ZNF251: variants seen among roughly 807,000 people sequenced by gnomAD.
ZNF251 encodes the protein zinc finger protein 251.
A neutral mutation model predicts 13.5 loss-of-function variants in ZNF251; 14 were observed. That is an observed-to-expected ratio of 1.04 (90% CI 0.69 to 1.63). ZNF251 has a LOEUF of 1.63. Among genes scored for constraint, ZNF251 ranks in the 40% most tolerant of loss-of-function variants. ZNF251 has a pLI of 0.00. For missense variants in ZNF251, 764 were observed against 834.9 expected (o/e 0.92, Z 1.05); for synonymous variants, 287 against 295.2 (o/e 0.97, Z 0.28).
At chr8:144,748,529 T>G (rs943051939) in intron 4 of ZNF251, among the ~76,000 whole-genome samples, 2 of 152,136 alleles carry the variant, frequency 1.3e-5, no homozygotes, top group Non-Finnish European at 2.9e-5. Flanking sequence ...TTTCTTTTTT[T>G]TTGTTCATGG....
chr8:144,729,335 AT>A (rs142840972), intron 4 of ZNF251, among the ~76,000 whole-genome samples: 45 of 141,272 alleles, frequency 3.2e-4, no homozygotes, highest in South Asian at 4.4e-4. Flanking sequence ...ATTTATTTTT[AT>A]TTTTTTTTTT....
chr8:144,729,304 C>CAT (rs1441819339), intron 4 of ZNF251, among the ~76,000 whole-genome samples: 1 of 151,148 alleles, frequency 6.6e-6, no homozygotes, highest in African/African-American at 2.4e-5. Context: ...TTTTAGCAAG[C>CAT]ATATAAGATT....
chr8:144,742,928 A>G (rs1051925581), intron 4 of ZNF251, among the ~76,000 whole-genome samples: 34 of 152,168 alleles, frequency 2.2e-4, no homozygotes, highest in African/African-American at 8.2e-4. Flanking sequence ...AAATCCACAT[A>G]TAAGTGGACC....
In ZNF251 at chr8:144,755,425, A is replaced by G. The variant is rs972045914; in HGVS notation, c.-96T>C. The G allele has an allele frequency of 7.8e-7, 1 of 1,288,172 alleles. No individual in the cohort carries two copies. Among genetic ancestry groups the G allele is most frequent in the Admixed American group, 2.3e-5 (1 of 43,566 alleles). 79.8% of individuals were successfully genotyped at this position (1,288,172 alleles called of 1,614,324 possible). On this transcript the variant is annotated 5_prime_UTR_variant, in exon 1 of 5. Coordinates refer to ENST00000292562, the MANE Select transcript of ZNF251 (RefSeq NM_138367.2). ...CCCACCTGTTTGCTCGACCCGGGGAAGCCACCGAGGAAGCGCCGAGGAGCT... is the reference window on the plus strand; with the variant it reads ...CCCACCTGTTTGCTCGACCCGGGGAGGCCACCGAGGAAGCGCCGAGGAGCT...
intron 3 of ZNF251, 141 bp downstream of exon 3, chr8:144,754,051 A>G: frequency 7.8e-7 from 1 of 1,277,424 alleles, no homozygotes; most frequent in Non-Finnish European, 1.1e-6. Context: ...TCCCATGGGA[A>G]ATGTTCCTTC....
At position 144,721,795 on chromosome 8, in the gene ZNF251, C is replaced by G. The variant is rs745404494; in HGVS notation, c.1865G>C (p.Cys622Ser). Residue 622 changes from cysteine to serine, a missense_variant, in exon 5 of 5, where the codon TGT (cysteine) becomes TCT (serine). Physicochemically the swap from Cys to Ser is moderately radical, Grantham distance 112. Transcript: ENST00000292562. Reference sequence around the variant, plus strand: ...GGCTTTCCCATACACACTGCAATGACATGGTTTCTGACCAGTGTGAGTTAC... The same window carrying G: ...GGCTTTCCCATACACACTGCAATGAGATGGTTTCTGACCAGTGTGAGTTAC... ...HQVTHTGQKP[C>S]HCSVYGKAFS... 3 of 1,475,952 alleles carry G rather than the reference C, an allele frequency of 2.0e-6. No homozygotes were observed. The highest frequency in any genetic ancestry group is 2.7e-6 in the Non-Finnish European group (3 of 1,112,508). 91.4% of individuals were successfully genotyped at this position (1,475,952 alleles called of 1,614,324 possible).
chr8:144,731,342 G>A (rs908316697), intron 4 of ZNF251, among the ~76,000 whole-genome samples: 1 of 152,112 alleles, frequency 6.6e-6, no homozygotes, highest in South Asian at 2.1e-4. Context: ...TTCCTCAATG[G>A]TATACTGTGT....
In ZNF251 at chr8:144,721,950, T is replaced by C. The variant is rs748782910; in HGVS notation, c.1710A>G (p.Glu570=). 1 of 1,520,152 alleles carries C rather than the reference T, an allele frequency of 6.6e-7. No individual in the cohort carries two copies. Among genetic ancestry groups the C allele is most frequent in the Admixed American group, 2.2e-5 (1 of 45,702 alleles). The allele number at this position is 1,520,152 out of a possible 1,614,324, so 94.2% of individuals were successfully genotyped here. ...HTGEKSFGCN[E]YGKAFSPTSR... The stretch of plus-strand genomic sequence containing the variant: ...AGGTGGGACTGAAAGCTTTTCCATA[T>C]TCATTACATCCAAAGGATTTCTCAC... Residue 570 remains glutamate (E), a synonymous_variant, in exon 5 of 5, where the codon GAA becomes GAG. Coordinates refer to ENST00000292562, the MANE Select transcript of ZNF251 (RefSeq NM_138367.2).
intron 4 of ZNF251, among the ~76,000 whole-genome samples, chr8:144,744,009 C>CTTT (rs1168495446): frequency 4.1e-4 from 36 of 88,820 alleles, no homozygotes; most frequent in Non-Finnish European, 5.7e-4. Context: ...CTCTCGTTGT[C>CTTT]TTTTTTTTTT....
Position 144,728,955 on chromosome 8 carries a change from GCGCGCGC to G in ZNF251, c.278-5580_278-5574del, listed in dbSNP as rs1286728871. ...AATACAAAATTAGCCAGGCATGGTG[GCGCGCGC>G]CTGTAATCCCAGCTACTTGGGAGGC... On this transcript the variant is annotated intron_variant, in intron 4 of 4. Coordinates refer to ENST00000292562, the MANE Select transcript of ZNF251 (RefSeq NM_138367.2). 3.6e-4 allele frequency among the ~76,000 whole-genome samples: 55 copies of G among 151,838 alleles called. 1 individual carries two copies. Among genetic ancestry groups the G allele is most frequent in the Non-Finnish European group, 1.2e-4 (8 of 67,992 alleles).
intron 4 of ZNF251, among the ~76,000 whole-genome samples, chr8:144,749,879 TTTTTC>T (rs1256310293): frequency 6.2e-4 from 82 of 131,982 alleles, no homozygotes; most frequent in African/African-American, 2.5e-3. Flanking sequence ...TCTTTTCTTT[TTTTTC>T]TTTTTTTTTT....
At chr8:144,752,342 A>G (rs1028061844) in intron 4 of ZNF251, among the ~76,000 whole-genome samples, 2 of 152,192 alleles carry the variant, frequency 1.3e-5, no homozygotes, top group Admixed American at 1.3e-4. Flanking sequence ...AATAATACAG[A>G]GTATGTTCTC....
intron 4 of ZNF251, among the ~76,000 whole-genome samples, chr8:144,744,127 C>T (rs1041229425): frequency 6.6e-6 from 1 of 151,292 alleles, no homozygotes; most frequent in African/African-American, 2.4e-5. Flanking sequence ...GATTCTCCTG[C>T]CTCAGCCTCT....
At position 144,722,073 on chromosome 8, in the gene ZNF251, G is replaced by A. The variant is rs546578961; in HGVS notation, c.1587C>T (p.Ser529=). 1.2e-6 allele frequency: 2 copies of A among 1,613,960 alleles called. No individual in the cohort carries two copies. The highest frequency in any genetic ancestry group is 1.7e-5 in the Admixed American group (1 of 60,008). Residue 529 remains serine, a synonymous_variant, in exon 5 of 5, where the codon TCC becomes TCT. Coordinates refer to ENST00000292562, the MANE Select transcript of ZNF251 (RefSeq NM_138367.2). The surrounding 1 kb of genome is among the most constrained non-coding windows in gnomAD (Gnocchi z 4.8). ...RKHGPAFVHG[S]SLTADGQIPT... is the part of the protein sequence containing the mutation. ...GAATCTGTCCATCTGCTGTGAGGCT[G>A]GAGCCATGAACAAAGGCTGGACCAT... is the stretch of plus-strand genomic sequence containing the variant.
At chr8:144,742,179 T>A in intron 4 of ZNF251, among the ~76,000 whole-genome samples, 1 of 148,046 alleles carries the variant, frequency 6.8e-6, no homozygotes, top group African/African-American at 2.5e-5. Flanking sequence ...CAGAAAAGAG[T>A]AAAATAGCAG....
chr8:144,738,422 G>A (rs752236346), intron 4 of ZNF251: 9 of 340,090 alleles, frequency 2.6e-5, no homozygotes, highest in Non-Finnish European at 3.8e-5. Flanking sequence ...CACAGCTCAG[G>A]ACACCTCCCA....
rs747087407 is a variant in ZNF251 at position 144,754,201 on chromosome 8, C to A, written c.154G>T (p.Ala52Ser). Reference protein sequence around the residue: ...DVMLENYGNVASLGFPVPKPE... With the variant: ...DVMLENYGNVSSLGFPVPKPE... ...GTGCAGAGAGCCTCACCCAGAGAGG[C>A]CACGTTCCCATAGTTCTCCAGCATC... The change falls in exon 3 of 5, where the codon GCC becomes TCC. Residue 52 changes from alanine to serine, a missense_variant. Ala to Ser is a moderately conservative substitution (Grantham distance 99, BLOSUM62 1). Transcript: ENST00000292562. 13 of 1,613,442 alleles carry A rather than the reference C, an allele frequency of 8.1e-6. No individual in the cohort carries two copies. Among genetic ancestry groups the A allele is most frequent in the African/African-American group, 5.3e-5 (4 of 74,934 alleles).
intron 4 of ZNF251, among the ~76,000 whole-genome samples, chr8:144,736,681 G>C (rs1175637895): frequency 1.3e-5 from 2 of 151,438 alleles, no homozygotes; most frequent in Non-Finnish European, 2.9e-5. Flanking sequence ...TAGTAGAGTT[G>C]GGGTTTCTCC....
intron 4 of ZNF251, among the ~76,000 whole-genome samples, chr8:144,739,517 A>G (rs963685808): frequency 2.6e-5 from 4 of 152,264 alleles, no homozygotes; most frequent in Non-Finnish European, 4.4e-5. Context: ...CAGGGATGCC[A>G]GGAACCTTAT....
Sources: allele counts gnomAD v4.1 joint callset (sites outside exome capture counted in the v4.1 genomes callset), GRCh38; gene constraint gnomAD v4.1.1; non-coding constraint Gnocchi (gnomAD v3.1); transcripts MANE v1.5; gene names NCBI Gene and HGNC (gene_info 2026-07-23, HGNC 2026-07-21).